EYS: variants seen among roughly 807,000 people sequenced by gnomAD.
EYS encodes the protein EGF-like photoreceptor maintenance factor, also known as protein eyes shut homolog.
Under a neutral mutation model 282.1 loss-of-function variants are expected in EYS, and 250 were observed. That is an observed-to-expected ratio of 0.89 (90% CI 0.80 to 0.98). The LOEUF is 0.98. Ranked by LOEUF, EYS falls within the 50% of genes least tolerant of loss-of-function variation. The pLI, the probability that EYS is intolerant of heterozygous loss-of-function variation, is 0.00. For synonymous variants in EYS, 1,355 were observed against 1,282.9 expected (o/e 1.06, Z -1.20); for missense variants, 4,016 against 3,709.0 (o/e 1.08, Z -2.15).
intron 31 of EYS, among the ~76,000 whole-genome samples, chr6:64,103,165 G>A (rs971124353): frequency 1.3e-5 from 2 of 152,094 alleles, no homozygotes; most frequent in African/African-American, 2.4e-5. Flanking sequence ...ACTGCAAGAT[G>A]GTGGTTATGG....
chr6:64,185,513 A>G (rs999036898), intron 31 of EYS, among the ~76,000 whole-genome samples: 1 of 152,164 alleles, frequency 6.6e-6, no homozygotes, highest in Non-Finnish European at 1.5e-5. Context: ...AATTAATTAT[A>G]CTTTATTTTA....
At chr6:65,680,419 G>A (rs1437713793) in intron 1 of EYS, among the ~76,000 whole-genome samples, 1 of 151,634 alleles carries the variant, frequency 6.6e-6, no homozygotes, top group Non-Finnish European at 1.5e-5. Flanking sequence ...AAGAATTGAT[G>A]GTTTTGAACT....
intron 7 of EYS, among the ~76,000 whole-genome samples, chr6:65,390,412 T>A (rs1765977835): frequency 6.6e-6 from 1 of 151,280 alleles, no homozygotes; most frequent in Non-Finnish European, 1.5e-5. Flanking sequence ...AGCTGCTGGC[T>A]AGGGTTTTCA....
intron 31 of EYS, among the ~76,000 whole-genome samples, chr6:64,124,406 T>C (rs1361880099): frequency 6.6e-6 from 1 of 152,200 alleles, no homozygotes; most frequent in Non-Finnish European, 1.5e-5. Context: ...AAGTTTTCCC[T>C]GAGAAGTGTT....
intron 1 of EYS, among the ~76,000 whole-genome samples, chr6:65,705,035 T>A: frequency 6.6e-6 from 1 of 152,212 alleles, no homozygotes; most frequent in East Asian, 1.9e-4. Flanking sequence ...CTTTTTTATT[T>A]CAATGATAGA....
At chr6:63,964,685 TA>T (rs1168094279) in intron 35 of EYS, among the ~76,000 whole-genome samples, 1 of 152,200 alleles carries the variant, frequency 6.6e-6, no homozygotes, top group Non-Finnish European at 1.5e-5. Context: ...AGTCACAGTA[TA>T]AATCAGAACA....
At chr6:64,645,706 A>AT (rs11435731) in intron 22 of EYS, among the ~76,000 whole-genome samples, 90,877 of 151,952 alleles carry the variant, frequency 0.6, 27,357 homozygotes, top group South Asian at 0.66. Context: ...GTAATAATAA[A>AT]TGAAAAAATA....
At chr6:64,127,522 G>C (rs1773825052) in intron 31 of EYS, among the ~76,000 whole-genome samples, 1 of 151,948 alleles carries the variant, frequency 6.6e-6, no homozygotes, top group Admixed American at 6.6e-5. Flanking sequence ...TTTATATTGT[G>C]TTCAAAATGA....
chr6:64,462,046 A>T (rs1310152122), intron 26 of EYS, among the ~76,000 whole-genome samples: 1 of 152,174 alleles, frequency 6.6e-6, no homozygotes, highest in East Asian at 1.9e-4. Flanking sequence ...ACATTTAAGA[A>T]GTAACAATTT....
At chr6:65,371,250 T>C (rs905658852) in intron 8 of EYS, among the ~76,000 whole-genome samples, 8 of 151,790 alleles carry the variant, frequency 5.3e-5, no homozygotes, top group African/African-American at 1.7e-4. Flanking sequence ...AAGTAATCTA[T>C]AGATAATGTA....
At chr6:64,419,482 T>A (rs1022019186) in intron 28 of EYS, among the ~76,000 whole-genome samples, 1 of 152,094 alleles carries the variant, frequency 6.6e-6, no homozygotes, top group East Asian at 1.9e-4. Context: ...AACCTAAAAG[T>A]CCAAATCCAA....
intron 26 of EYS, among the ~76,000 whole-genome samples, chr6:64,453,390 T>C (rs1223670991): frequency 2.0e-5 from 3 of 152,056 alleles, no homozygotes; most frequent in African/African-American, 4.8e-5. Context: ...GAAATAGGAA[T>C]GCTTTTACAC....
chr6:64,548,137 C>T (rs370202954), intron 26 of EYS, among the ~76,000 whole-genome samples: 35 of 152,336 alleles, frequency 2.3e-4, no homozygotes, highest in African/African-American at 8.2e-4. Context: ...TGAAGGGCTC[C>T]TCAAGTGCTG....
intron 31 of EYS, among the ~76,000 whole-genome samples, chr6:64,131,171 T>C (rs1348405640): frequency 6.6e-6 from 1 of 152,098 alleles, no homozygotes; most frequent in East Asian, 1.9e-4. Context: ...CCGGTGTGAA[T>C]TTTTAATTCT....
At chr6:64,925,639 C>A (rs1236436483) in intron 15 of EYS, among the ~76,000 whole-genome samples, 2 of 152,092 alleles carry the variant, frequency 1.3e-5, no homozygotes, top group Non-Finnish European at 2.9e-5. Context: ...TAGGTGAGAG[C>A]CAGATGGCAT....
intron 24 of EYS, among the ~76,000 whole-genome samples, chr6:64,609,543 G>A (rs1256295930): frequency 1.3e-5 from 2 of 151,998 alleles, no homozygotes; most frequent in Admixed American, 1.3e-4. Flanking sequence ...GTAGGACTTC[G>A]GAATGGATTT....
intron 12 of EYS, among the ~76,000 whole-genome samples, chr6:65,207,002 A>C (rs1010912265): frequency 6.6e-6 from 1 of 151,880 alleles, no homozygotes; most frequent in Non-Finnish European, 1.5e-5. Flanking sequence ...ACTATTCAAC[A>C]TAGTAGTTGA....
At chr6:64,523,966 G>T (rs1056957788) in intron 26 of EYS, among the ~76,000 whole-genome samples, 2 of 151,552 alleles carry the variant, frequency 1.3e-5, no homozygotes, top group African/African-American at 2.4e-5. Context: ...TCTCCTTTTA[G>T]TATTTATAAC....
chr6:65,325,619 G>A, intron 11 of EYS, among the ~76,000 whole-genome samples: 1 of 152,128 alleles, frequency 6.6e-6, no homozygotes, highest in African/African-American at 2.4e-5. Flanking sequence ...GTGATTGGAT[G>A]TGTCAGGGAC....
Sources: allele counts gnomAD v4.1 joint callset (sites outside exome capture counted in the v4.1 genomes callset), GRCh38; gene constraint gnomAD v4.1.1; transcripts MANE v1.5; gene names NCBI Gene and HGNC (gene_info 2026-07-23, HGNC 2026-07-21).